The following ARHGAP15 variants were observed in gnomAD, a reference collection of about 807,000 sequenced individuals.
ARHGAP15 encodes rho GTPase-activating protein 15.
ARHGAP15 carries 51 observed loss-of-function variants against 63.7 expected under a neutral mutation model. The observed-to-expected ratio is 0.80, with a 90% CI of 0.64 to 1.01. The LOEUF (loss-of-function observed/expected upper bound fraction) is 1.01. ARHGAP15 is among the 50% of genes least tolerant of loss of function. ARHGAP15 has a pLI of 0.00. For missense variants in ARHGAP15, 560 were observed against 564.6 expected, an observed-to-expected ratio of 0.99 and a Z score of 0.08; for synonymous variants, 191 against 193.8, an observed-to-expected ratio of 0.99 and a Z score of 0.12.
intron 12 of ARHGAP15, among the ~76,000 whole-genome samples, chr2:143,641,768 CTT>C (rs1041024618): frequency 3.9e-5 from 6 of 152,070 alleles, no homozygotes; most frequent in African/African-American, 1.2e-4. Flanking sequence ...AATCAGAACT[CTT>C]AGAAAATTTG....
intron 6 of ARHGAP15, among the ~76,000 whole-genome samples, chr2:143,325,214 C>T (rs560383536): frequency 8.5e-5 from 13 of 152,216 alleles, no homozygotes; most frequent in Admixed American, 2.0e-4. Context: ...CTCAAAATTT[C>T]TTGGACCGTA....
chr2:143,676,094 TA>T (rs1205780614), intron 12 of ARHGAP15: 10 of 156,130 alleles, frequency 6.4e-5, no homozygotes, highest in African/African-American at 2.4e-4. Context: ...GCTTTCTTTT[TA>T]AAACCTCATG....
intron 8 of ARHGAP15, among the ~76,000 whole-genome samples, chr2:143,458,508 A>T (rs1199653813): frequency 6.6e-6 from 1 of 152,140 alleles, no homozygotes; most frequent in East Asian, 1.9e-4. Flanking sequence ...AAAGGGAAGG[A>T]GATTCCTGCT....
At position 143,462,009 on chromosome 2, in the gene ARHGAP15, C is replaced by T. The variant is rs151001142; in HGVS notation, c.703+24967C>T. 5.3e-3 allele frequency among the ~76,000 whole-genome samples: 806 copies of T among 151,926 alleles called. 8 individuals are homozygous for T. The highest frequency in any genetic ancestry group is 0.041 in the Middle Eastern group (12 of 294). ...CTCTACAAAAAATACAAAAATTAGC[C>T]GGGAATGGTGGTGCGCAGCTACTCG... On this transcript the variant is annotated intron_variant, in intron 8 of 13. Transcript: ENST00000295095.
At chr2:143,156,391 C>T (rs912206253) in intron 2 of ARHGAP15, among the ~76,000 whole-genome samples, 1 of 151,798 alleles carries the variant, frequency 6.6e-6, no homozygotes, top group African/African-American at 2.4e-5. Context: ...CAATGTTAGC[C>T]ACTCTTTTGG....
intron 6 of ARHGAP15, among the ~76,000 whole-genome samples, chr2:143,286,640 G>A (rs1682117935): frequency 1.3e-5 from 2 of 152,022 alleles, no homozygotes; most frequent in Admixed American, 1.3e-4. Context: ...AGAAAATAGA[G>A]AAAAAGAGAA....
At chr2:143,429,677 T>C (rs1032347075) in intron 6 of ARHGAP15, among the ~76,000 whole-genome samples, 2 of 152,096 alleles carry the variant, frequency 1.3e-5, no homozygotes, top group African/African-American at 2.4e-5. Flanking sequence ...TAGGGGGAGT[T>C]GTGGAAATGC....
chr2:143,255,909 C>CT (rs1302636226), intron 6 of ARHGAP15, among the ~76,000 whole-genome samples: 1 of 152,068 alleles, frequency 6.6e-6, no homozygotes, highest in Non-Finnish European at 1.5e-5. Context: ...GTTTTTTGCC[C>CT]TACAGCTTGT....
intron 6 of ARHGAP15, among the ~76,000 whole-genome samples, chr2:143,305,679 AATATAG>A (rs1428501523): frequency 6.6e-6 from 1 of 152,110 alleles, no homozygotes; most frequent in Non-Finnish European, 1.5e-5. Context: ...AAACCCAAAT[AATATAG>A]ATATATCAAA....
intron 13 of ARHGAP15, among the ~76,000 whole-genome samples, chr2:143,731,180 A>G (rs1685517686): frequency 1.3e-5 from 2 of 152,182 alleles, no homozygotes; most frequent in Non-Finnish European, 1.5e-5. Flanking sequence ...GCCACTTTGC[A>G]TGTTCTATAA....
chr2:143,475,236 C>T (rs541398025), intron 8 of ARHGAP15, among the ~76,000 whole-genome samples: 3 of 152,302 alleles, frequency 2.0e-5, no homozygotes, highest in Middle Eastern at 3.4e-3. Flanking sequence ...AGCATAAGCT[C>T]CCTGCCAGCT....
chr2:143,615,243 A>C (rs867256535), intron 11 of ARHGAP15, among the ~76,000 whole-genome samples: 2 of 152,202 alleles, frequency 1.3e-5, no homozygotes, highest in South Asian at 4.1e-4. Context: ...GGGATAACAT[A>C]GTTTCAATGA....
chr2:143,165,839 C>T (rs1393385332), intron 2 of ARHGAP15, among the ~76,000 whole-genome samples: 1 of 151,728 alleles, frequency 6.6e-6, no homozygotes, highest in African/African-American at 2.4e-5. Flanking sequence ...GAATTATTGA[C>T]AGTATTAATG....
At chr2:143,748,631 C>T (rs1233856960) in intron 13 of ARHGAP15, among the ~76,000 whole-genome samples, 1 of 152,118 alleles carries the variant, frequency 6.6e-6, no homozygotes, top group South Asian at 2.1e-4. Flanking sequence ...ACTTGGTAGG[C>T]GGAGTATATC....
At chr2:143,215,507 G>A (rs1446667386) in intron 3 of ARHGAP15, among the ~76,000 whole-genome samples, 1 of 152,260 alleles carries the variant, frequency 6.6e-6, no homozygotes, top group South Asian at 2.1e-4. Flanking sequence ...AACATGGGAT[G>A]GCACTGAGGG....
chr2:143,413,966 T>TGTGTGTGTGTGCGCGCGC, intron 6 of ARHGAP15, among the ~76,000 whole-genome samples: 159 of 117,916 alleles, frequency 1.3e-3, no homozygotes, highest in African/African-American at 5.6e-3. Flanking sequence ...TGTGTGTGTG[T>TGTGTGTGTGTGCGCGCGC]GCGCGCTCTC....
At chr2:143,147,554 T>G (rs1477809698) in intron 1 of ARHGAP15, among the ~76,000 whole-genome samples, 1 of 152,058 alleles carries the variant, frequency 6.6e-6, no homozygotes, top group Non-Finnish European at 1.5e-5. Flanking sequence ...TGCTTTTCAA[T>G]TTTTTACTAC....
intron 9 of ARHGAP15, among the ~76,000 whole-genome samples, chr2:143,513,992 C>T (rs939720062): frequency 2.0e-5 from 3 of 152,294 alleles, no homozygotes; most frequent in African/African-American, 7.2e-5. Flanking sequence ...CAAAGGATTG[C>T]AGGTGCATGT....
At chr2:143,664,903 G>T (rs374456588) in intron 12 of ARHGAP15, among the ~76,000 whole-genome samples, 5 of 151,958 alleles carry the variant, frequency 3.3e-5, no homozygotes, top group African/African-American at 7.2e-5. Flanking sequence ...AATAACAGGA[G>T]CTGAAATTGT....
Sources: allele counts gnomAD v4.1 joint callset (sites outside exome capture counted in the v4.1 genomes callset), GRCh38; gene constraint gnomAD v4.1.1; transcripts MANE v1.5; gene names NCBI Gene and HGNC (gene_info 2026-07-23, HGNC 2026-07-21).